The following PHF21A variants were observed in gnomAD, a reference collection of about 807,000 sequenced individuals.
PHF21A encodes PHD finger protein 21A, also known as BHC80a.
In PHF21A, 11 loss-of-function variants were observed where a neutral mutation model predicts 82.5. The ratio of observed to expected loss-of-function variants is 0.13; its 90% CI spans 0.08 to 0.22. The LOEUF is 0.22. PHF21A is among the 10% of genes least tolerant of loss of function. The pLI is 1.00. For missense variants in PHF21A, 579 were observed against 837.8 expected, an observed-to-expected ratio of 0.69 and a Z score of 3.81; for synonymous variants, 297 against 302.8, an observed-to-expected ratio of 0.98 and a Z score of 0.20.
chr11:45,953,470 C>T, intron 11 of PHF21A, 57 bp downstream of exon 11: 1 of 1,029,680 alleles, frequency 9.7e-7, no homozygotes, highest in Non-Finnish European at 1.5e-6. Context: ...CCTCCTGGTA[C>T]ATGAGAATAA....
At chr11:45,997,439 T>G (rs2094946806) in intron 6 of PHF21A, among the ~76,000 whole-genome samples, 1 of 152,154 alleles carries the variant, frequency 6.6e-6, no homozygotes, top group South Asian at 2.1e-4. Flanking sequence ...ACTAGAGGAT[T>G]CAGCAAAATG....
At position 45,934,023 on chromosome 11, in the gene PHF21A, G is replaced by C; in HGVS notation, c.1991C>G (p.Ser664Cys). ...ANAATSTPAP[S>C]PSSQSCTANC... ...CGCTGTGCAGCTCTGGGAGGAGGGG[G>C]AAGGGGCCGGCGTGGAGGTGGCGGC... is the stretch of plus-strand genomic sequence containing the variant. Residue 664 changes from serine (S) to cysteine (C), a missense_variant, in exon 19 of 19, where the codon TCC becomes TGC. This residue lies in a region of PHF21A where 157 missense variants were observed against 149.4 expected (regional missense o/e 1.05). Coordinates refer to ENST00000676320, the MANE Select transcript of PHF21A (RefSeq NM_001352027.3). 1.2e-6 allele frequency: 2 copies of C among 1,611,216 alleles called. No individual in the cohort carries two copies. The highest frequency in any genetic ancestry group is 2.2e-5 in the South Asian group (2 of 90,738).
intron 6 of PHF21A, among the ~76,000 whole-genome samples, chr11:46,072,088 A>G (rs1187354995): frequency 1.3e-5 from 2 of 152,240 alleles, no homozygotes; most frequent in African/African-American, 2.4e-5. Flanking sequence ...TGAAACTAAC[A>G]ATCTAATAAG....
chr11:46,044,901 C>G (rs1416030019), intron 6 of PHF21A, among the ~76,000 whole-genome samples: 1 of 152,134 alleles, frequency 6.6e-6, no homozygotes, highest in African/African-American at 2.4e-5. Flanking sequence ...TAAAGTATTC[C>G]ATTCAAAAGA....
chr11:45,979,667 C>T, intron 7 of PHF21A, 93 bp downstream of exon 7: 3 of 1,572,570 alleles, frequency 1.9e-6, no homozygotes, highest in Non-Finnish European at 8.7e-7. Context: ...TCTAGCTGAG[C>T]TTAGTATAGT....
At chr11:45,965,660 T>C (rs1159949645) in intron 9 of PHF21A, 52 bp from the exon 10 acceptor site, 5 of 1,380,160 alleles carry the variant, frequency 3.6e-6, no homozygotes. Flanking sequence ...GCTCAAGTCC[T>C]ATAAAAGCAA....
At chr11:45,967,430 T>C (rs982598022) in intron 9 of PHF21A, among the ~76,000 whole-genome samples, 1 of 151,884 alleles carries the variant, frequency 6.6e-6, no homozygotes, top group Non-Finnish European at 1.5e-5. Flanking sequence ...GGGGACCCCA[T>C]GATTTGGGCT....
At chr11:45,958,579 T>C (rs1303776136) in intron 10 of PHF21A, among the ~76,000 whole-genome samples, 1 of 149,452 alleles carries the variant, frequency 6.7e-6, no homozygotes, top group Non-Finnish European at 1.5e-5. Context: ...CCAGCCTGGG[T>C]GACAGAGCAA....
At position 45,929,503 on chromosome 11, in the gene PHF21A, A is replaced by AT. The variant is rs1445143774; in HGVS notation, c.*4464_*4465insA. 1 of 153,518 alleles carries AT rather than the reference A, an allele frequency of 6.5e-6. No individual in the cohort carries two copies. Among genetic ancestry groups the AT allele is most frequent in the Non-Finnish European group, 1.4e-5 (1 of 69,040 alleles). The allele number at this position is 153,518 out of a possible 1,614,324, so 9.5% of individuals were successfully genotyped here. A position where few individuals can be genotyped will look rare whatever the true frequency, so the allele number is the denominator to read the frequency against. On this transcript the variant is annotated 3_prime_UTR_variant, in exon 19 of 19. Transcript: ENST00000676320. ...TGAAATCACAAAGGGCATGGACAAG[A>AT]GACAGGGTTGGGGTCTGGCTGGCTC...
chr11:46,084,032 G>C, intron 4 of PHF21A, 134 bp downstream of exon 4: 1 of 571,810 alleles, frequency 1.7e-6, no homozygotes, highest in East Asian at 3.4e-5. Context: ...GTGGTAAAAG[G>C]CAAACGACAT....
intron 12 of PHF21A, 87 bp from the exon 13 acceptor site, chr11:45,949,568 A>AT (rs1455623049): frequency 1.8e-6 from 2 of 1,102,424 alleles, no homozygotes; most frequent in Non-Finnish European, 2.8e-6. Flanking sequence ...TGGTTTTCCC[A>AT]TAAGAAATCA....
Position 46,062,340 on chromosome 11 carries a change from A to C in PHF21A, c.153+14414T>G, listed in dbSNP as rs114691332. Among the ~76,000 whole-genome samples, 341 of 152,224 alleles carry C rather than the reference A, an allele frequency of 2.2e-3. 1 individual carries two copies. Among genetic ancestry groups the C allele is most frequent in the African/African-American group, 7.8e-3 (324 of 41,520 alleles). ...GTCTCAGAACTTTTATTAGCCAGGC[A>C]TGAGACTTTCTGGGTGACCCTCTTA... On this transcript the variant is annotated intron_variant, in intron 6 of 18. Coordinates refer to ENST00000676320, the MANE Select transcript of PHF21A (RefSeq NM_001352027.3).
chr11:45,958,449 T>TATATATATATATATACACAC (rs780397923), intron 10 of PHF21A, among the ~76,000 whole-genome samples: 3 of 15,078 alleles, frequency 2.0e-4, no homozygotes, highest in South Asian at 4.3e-3. Flanking sequence ...TATATATATA[T>TATATATATATATATACACAC]ACACACACAC....
At chr11:46,049,559 G>C (rs1041668566) in intron 6 of PHF21A, 11 of 451,016 alleles carry the variant, frequency 2.4e-5, no homozygotes, top group African/African-American at 2.2e-4. Flanking sequence ...GGGGGAAGGA[G>C]GGATAGAAAG....
intron 3 of PHF21A, 110 bp downstream of exon 3, chr11:46,090,345 T>C (rs1187301083): frequency 1.3e-5 from 2 of 152,158 alleles, no homozygotes; most frequent in African/African-American, 2.4e-5. Flanking sequence ...AGTCTCAGCA[T>C]AACCAATAAA....
intron 6 of PHF21A, among the ~76,000 whole-genome samples, chr11:46,030,772 TAAG>T (rs1399316879): frequency 1.3e-5 from 2 of 152,038 alleles, no homozygotes; most frequent in Admixed American, 6.6e-5. Context: ...TTTGTAACTT[TAAG>T]AAGGTGACGA....
At chr11:46,042,781 G>C (rs541893128) in intron 6 of PHF21A, among the ~76,000 whole-genome samples, 17 of 152,118 alleles carry the variant, frequency 1.1e-4, no homozygotes, top group African/African-American at 3.9e-4. Context: ...TTCTGCCATA[G>C]ATAGCACCTT....
intron 6 of PHF21A, among the ~76,000 whole-genome samples, chr11:46,011,404 G>A (rs543431847): frequency 5.9e-5 from 9 of 152,170 alleles, no homozygotes; most frequent in South Asian, 2.1e-4. Context: ...CAGGAGAATC[G>A]CCTGAGCCCA....
At chr11:45,937,677 C>T (rs1433140022) in intron 16 of PHF21A, among the ~76,000 whole-genome samples, 6 of 152,122 alleles carry the variant, frequency 3.9e-5, no homozygotes, top group Admixed American at 2.6e-4. Context: ...GATGGGGTTT[C>T]GCCATGTTGG....
Sources: allele counts gnomAD v4.1 joint callset (sites outside exome capture counted in the v4.1 genomes callset), GRCh38; gene constraint gnomAD v4.1.1; regional missense constraint gnomAD v4.1.1; transcripts MANE v1.5; gene names NCBI Gene and HGNC (gene_info 2026-07-23, HGNC 2026-07-21).